Variants in TAT observed in about 807,000 individuals in gnomAD.
TAT encodes L-tyrosine:2-oxoglutarate aminotransferase.
In TAT, 35 loss-of-function variants were observed where a neutral mutation model predicts 53.6. That is an observed-to-expected ratio of 0.65 (90% CI 0.50 to 0.87). TAT has a LOEUF of 0.87. TAT is among the 40% of genes least tolerant of loss of function. TAT has a pLI of 0.00. For missense variants in TAT, 525 were observed against 571.8 expected (o/e 0.92, Z 0.83); for synonymous variants, 197 against 206.5 (o/e 0.95, Z 0.39).
rs1349299532 is a variant in TAT, at chr16:71,565,724, CACTT to C, written c.*2416_*2419del. On this transcript the variant is annotated 3_prime_UTR_variant, in exon 12 of 12. Coordinates refer to ENST00000355962, the MANE Select transcript of TAT (RefSeq NM_000353.3). The stretch of plus-strand genomic sequence containing the variant: ...GTGCACACACACACACACACACACA[CACTT>C]ACATAGGCACAGTATAATCTGGAAG... 1.3e-5 allele frequency: 2 copies of C among 152,100 alleles called. No homozygotes were observed. Among genetic ancestry groups the C allele is most frequent in the South Asian group, 2.1e-4 (1 of 4,814 alleles). The allele number at this position is 152,100 out of a possible 1,614,324, so 9.4% of individuals were successfully genotyped here.
At chr16:71,572,736 C>T (rs1426946049) in intron 4 of TAT, 48 bp from the exon 5 acceptor site, 2 of 1,611,006 alleles carry the variant, frequency 1.2e-6, no homozygotes, top group Admixed American at 3.3e-5. Flanking sequence ...CCAACAGCAA[C>T]AGGAGAAAAG....
At position 71,568,269 on chromosome 16, in the gene TAT, T is replaced by G. The variant is rs770613031; in HGVS notation, c.1240A>C (p.Asn414His). ...ACTGTGATGACCACTCGGATGAAAT[T>G]CGGGTACTCAAAGCACTGCAAAAAG... ...CLPATCFEYP[N>H]FIRVVITVPE... The change falls in exon 12 of 12, where the codon AAT (asparagine) becomes CAT (histidine). Residue 414 changes from asparagine (N) to histidine (H), a missense_variant. Physicochemically the swap from Asn to His is moderately conservative, Grantham distance 68. Coordinates refer to ENST00000355962, the MANE Select transcript of TAT (RefSeq NM_000353.3). 3.1e-6 allele frequency: 5 copies of G among 1,614,150 alleles called. No homozygotes were observed. The highest frequency in any genetic ancestry group is 4.2e-6 in the Non-Finnish European group (5 of 1,180,034).
chr16:71,576,673 T>C (rs951733485), intron 1 of TAT, among the ~76,000 whole-genome samples: 1 of 152,220 alleles, frequency 6.6e-6, no homozygotes, highest in African/African-American at 2.4e-5. Context: ...TACACGCATC[T>C]GCAATTCCTG....
chr16:71,576,071 C>G (rs762657322), intron 2 of TAT, 45 bp from the exon 3 acceptor site: 72 of 1,611,568 alleles, frequency 4.5e-5, no homozygotes, highest in Middle Eastern at 3.3e-4. Flanking sequence ...AGGTTATTCT[C>G]CCATGTTCAG....
At chr16:71,569,202 A>G (rs1010612917) in intron 10 of TAT, among the ~76,000 whole-genome samples, 1 of 152,148 alleles carries the variant, frequency 6.6e-6, no homozygotes, top group Admixed American at 6.5e-5. Context: ...ATTCCCATAC[A>G]TTCCCAGATA....
chr16:71,569,962 C>G (rs368270511), intron 9 of TAT, 25 bp from the exon 10 acceptor site: 4 of 1,602,668 alleles, frequency 2.5e-6, no homozygotes, highest in African/African-American at 1.3e-5. Flanking sequence ...AAGGAGAAAT[C>G]AAGGATCAAA....
intron 10 of TAT, among the ~76,000 whole-genome samples, chr16:71,569,299 A>C (rs2044183892): frequency 6.6e-6 from 1 of 152,182 alleles, no homozygotes; most frequent in South Asian, 2.1e-4. Context: ...CCCTGTATCT[A>C]CATATATAAA....
In TAT at chr16:71,572,078, C is replaced by T. The variant is rs541765127; in HGVS notation, c.706+108G>A. 2.2e-3 allele frequency: 3,100 copies of T among 1,416,016 alleles called. 4 individuals are homozygous for T. Among genetic ancestry groups the T allele is most frequent in the Non-Finnish European group, 2.7e-3 (2,749 of 1,002,332 alleles). 87.7% of individuals were successfully genotyped at this position (1,416,016 alleles called of 1,614,324 possible). A position where few individuals can be genotyped will look rare whatever the true frequency, so the allele number is the denominator to read the frequency against. ...TGAGAGACATCAGTGGAGCTCCCCA[C>T]CTCCACCCCAGGCTTGGAACTTAGG... On this transcript the variant is annotated intron_variant, in intron 6 of 11. Coordinates refer to ENST00000355962, the MANE Select transcript of TAT (RefSeq NM_000353.3).
At position 71,576,430 on chromosome 16, in the gene TAT, G is replaced by A. The variant is rs1365782052; in HGVS notation, c.-12-3C>T. On this transcript the variant is annotated splice_region_variant and splice_polypyrimidine_tract_variant and intron_variant, in intron 1 of 11. Transcript: ENST00000355962. The stretch of plus-strand genomic sequence containing the variant: ...TATGGGTCCATCACTAGCGAAGCCT[G>A]CGAGGGGAAAGAAGTTCCCTGTGAT... 1 of 1,613,000 alleles carries A rather than the reference G, an allele frequency of 6.2e-7. No individual in the cohort carries two copies. Among genetic ancestry groups the A allele is most frequent in the Admixed American group, 1.7e-5 (1 of 60,022 alleles).
intron 6 of TAT, 65 bp downstream of exon 6, chr16:71,572,121 C>A: frequency 6.2e-7 from 1 of 1,610,096 alleles, no homozygotes; most frequent in South Asian, 1.1e-5. Flanking sequence ...TGGTTTTTGT[C>A]ATTTCACACA....
intron 4 of TAT, among the ~76,000 whole-genome samples, 181 bp from the exon 5 acceptor site, chr16:71,572,869 G>A (rs1186543581): frequency 1.3e-5 from 2 of 152,232 alleles, no homozygotes; most frequent in Non-Finnish European, 1.5e-5. Flanking sequence ...TTGTTGAAAT[G>A]TTGGCCACTT....
chr16:71,568,576 A>G (rs2044179738), intron 11 of TAT, 135 bp downstream of exon 11: 7 of 794,174 alleles, frequency 8.8e-6, no homozygotes, highest in Non-Finnish European at 1.3e-5. Flanking sequence ...GATCCATGAG[A>G]CACATCAGTT....
chr16:71,570,784 A>T lies in TAT; in HGVS notation c.807T>A (p.Asp269Glu). 6.2e-7 allele frequency: 1 copy of T among 1,614,224 alleles called. No homozygotes were observed. Among genetic ancestry groups the T allele is most frequent in the Admixed American group, 1.7e-5 (1 of 60,026 alleles). ...KYEPLATLST[D>E]VPILSCGGLA... is the part of the protein sequence containing the mutation. ...GCCCTCCACAGGACAGGATGGGGAC[A>T]TCGGTGCTGAGGGTGGCCAGTGGTT... is the stretch of plus-strand genomic sequence containing the variant. Residue 269 changes from aspartate (D) to glutamate (E), a missense_variant, in exon 8 of 12, where the codon GAT becomes GAA. Coordinates refer to ENST00000355962, the MANE Select transcript of TAT (RefSeq NM_000353.3).
Position 71,570,765 on chromosome 16 carries a change from C to T in TAT, c.826G>A (p.Gly276Arg). 1 of 1,614,184 alleles carries T rather than the reference C, an allele frequency of 6.2e-7. No individual in the cohort carries two copies. Among genetic ancestry groups the T allele is most frequent in the Non-Finnish European group, 8.5e-7 (1 of 1,180,034 alleles). Residue 276 changes from glycine to arginine, a missense_variant, in exon 8 of 12, where the codon GGA (glycine) becomes AGA (arginine). Gly to Arg is a moderately radical substitution (Grantham distance 125). Transcript: ENST00000355962. ...ACCAGCCAGCGCTTGGCCAGCCCTC[C>T]ACAGGACAGGATGGGGACATCGGTG... ...LSTDVPILSC[G>R]GLAKRWLVPG... is the part of the protein sequence containing the mutation.
chr16:71,569,985 G>T, intron 9 of TAT, 48 bp from the exon 10 acceptor site: 2 of 1,559,104 alleles, frequency 1.3e-6, no homozygotes, highest in South Asian at 1.2e-5. Context: ...TTAAGTAAAA[G>T]AAAAGCCAAG....
At chr16:71,576,050 A>G in intron 2 of TAT, 24 bp from the exon 3 acceptor site, 1 of 1,613,254 alleles carries the variant, frequency 6.2e-7, no homozygotes, top group Non-Finnish European at 8.5e-7. Flanking sequence ...GAAAACACAA[A>G]AGGAGCCAAG....
rs1336906988 is a variant in TAT, at chr16:71,565,940, C to A, written c.*2204G>T. ...TCAAAATGTAAATACCAAGGAAAATCAGGAATTTAAGAAGTCTAAGAATTC... is the reference window on the plus strand; with the variant it reads ...TCAAAATGTAAATACCAAGGAAAATAAGGAATTTAAGAAGTCTAAGAATTC... On this transcript the variant is annotated 3_prime_UTR_variant, in exon 12 of 12. Coordinates refer to ENST00000355962, the MANE Select transcript of TAT (RefSeq NM_000353.3). 1 of 152,146 alleles carries A rather than the reference C, an allele frequency of 6.6e-6. No homozygotes were observed. The highest frequency in any genetic ancestry group is 2.4e-5 in the African/African-American group (1 of 41,424). 9.4% of individuals were successfully genotyped at this position (152,146 alleles called of 1,614,324 possible).
chr16:71,573,669 A>G (rs2044218444), intron 3 of TAT, 63 bp from the exon 4 acceptor site: 1 of 1,444,618 alleles, frequency 6.9e-7, no homozygotes. Flanking sequence ...TCACTCTGTC[A>G]CCCGGACTTG....
At chr16:71,575,694 G>T (rs2044229925) in intron 3 of TAT, 4 of 594,012 alleles carry the variant, frequency 6.7e-6, no homozygotes, top group Non-Finnish European at 6.0e-6. Context: ...GGAGCCTAGA[G>T]GGGAAGTGCC....
Sources: gnomAD v4.1 joint callset for allele counts (sites outside exome capture counted in the v4.1 genomes callset) on GRCh38, gnomAD v4.1.1 for gene constraint, MANE v1.5 for transcripts, NCBI Gene and HGNC (gene_info 2026-07-23, HGNC 2026-07-21) for gene names.